The following SUGCT variants were observed in gnomAD, a reference collection of about 807,000 sequenced individuals.
SUGCT encodes the protein succinyl-CoA:glutarate-CoA transferase.
Under a neutral mutation model 55.0 loss-of-function variants are expected in SUGCT, and 41 were observed. The observed-to-expected ratio is 0.74, with a 90% CI of 0.58 to 0.97. The LOEUF (loss-of-function observed/expected upper bound fraction) is 0.97, where lower values mean the gene tolerates loss of function less well. Among genes scored for constraint, SUGCT ranks in the 50% least tolerant of loss-of-function variants. The pLI is 0.00. For missense variants in SUGCT, 568 were observed against 547.8 expected (o/e 1.04, Z -0.37); for synonymous variants, 187 against 200.4 (o/e 0.93, Z 0.56).
chr7:40,789,529 T>C (rs1790202004), intron 13 of SUGCT, among the ~76,000 whole-genome samples: 1 of 152,304 alleles, frequency 6.6e-6, no homozygotes, highest in Middle Eastern at 3.4e-3. Context: ...CATTCATCTA[T>C]TGATGGACAT....
At position 40,630,650 on chromosome 7, in the gene SUGCT, G is replaced by C. The variant is rs991100009; in HGVS notation, c.1090-118784G>C. Among the ~76,000 whole-genome samples the C allele has an allele frequency of 2.0e-5, 3 of 152,170 alleles. 1 individual carries two copies. Among genetic ancestry groups the C allele is most frequent in the African/African-American group, 7.2e-5 (3 of 41,442 alleles). ...ACAAAAACATGAAGTAACTTTTTCT[G>C]ACTAACTGTATGCCAATAACTTTCT... On this transcript the variant is annotated intron_variant, in intron 12 of 13. Coordinates refer to ENST00000335693, the MANE Select transcript of SUGCT (RefSeq NM_001193313.2).
At chr7:40,202,170 A>C (rs1487275958) in intron 6 of SUGCT, among the ~76,000 whole-genome samples, 1 of 152,032 alleles carries the variant, frequency 6.6e-6, no homozygotes, top group Non-Finnish European at 1.5e-5. Flanking sequence ...ATGGGGTTTC[A>C]CCATGTTGCC....
the SUGCT span, among the ~76,000 whole-genome samples, chr7:40,971,196 G>A: frequency 6.6e-6 from 1 of 152,136 alleles, no homozygotes; most frequent in African/African-American, 2.4e-5. Context: ...AAGAGCGGGA[G>A]CAAGAGAGAG....
At chr7:41,004,407 T>G in the SUGCT span, among the ~76,000 whole-genome samples, 1 of 152,236 alleles carries the variant, frequency 6.6e-6, no homozygotes, top group Non-Finnish European at 1.5e-5. Flanking sequence ...TATTTGCTAT[T>G]TTTTGAGCAA....
downstream of SUGCT, among the ~76,000 whole-genome samples, chr7:40,861,540 A>G (rs1041695299): frequency 1.3e-5 from 2 of 152,208 alleles, no homozygotes; most frequent in African/African-American, 4.8e-5. Flanking sequence ...TGTTAGGCAC[A>G]TCTATTTTAA....
chr7:40,774,358 C>T (rs1040424136), intron 13 of SUGCT, among the ~76,000 whole-genome samples: 2 of 152,126 alleles, frequency 1.3e-5, no homozygotes, highest in African/African-American at 4.8e-5. Context: ...TACATAAATG[C>T]TCTCTTTTAT....
At chr7:40,606,926 A>G (rs939430239) in intron 12 of SUGCT, among the ~76,000 whole-genome samples, 1 of 152,196 alleles carries the variant, frequency 6.6e-6, no homozygotes, top group African/African-American at 2.4e-5. Context: ...TTGCTTTCGA[A>G]GAAGAATCAT....
intron 13 of SUGCT, among the ~76,000 whole-genome samples, chr7:40,779,014 C>T (rs993194453): frequency 6.6e-6 from 1 of 151,710 alleles, no homozygotes; most frequent in African/African-American, 2.4e-5. Context: ...GTGTTCTGAG[C>T]AGAGACCCTG....
chr7:40,649,318 A>G (rs1334194728), intron 12 of SUGCT, among the ~76,000 whole-genome samples: 2 of 152,094 alleles, frequency 1.3e-5, no homozygotes, highest in East Asian at 1.9e-4. Flanking sequence ...ACCTCTTACA[A>G]TGTAATAATA....
rs73688072 is a variant in SUGCT, at chr7:40,427,728, G to T, written c.817-21559G>T. Among the ~76,000 whole-genome samples, 155 of 152,268 alleles carry T rather than the reference G, an allele frequency of 1.0e-3. 2 individuals carry two copies. Among genetic ancestry groups the T allele is most frequent in the African/African-American group, 3.6e-3 (148 of 41,548 alleles). ...ACTGGGAGGAATTCCTATGGAGCAAGAATAGGCAGAGAGGCCTTCCGATTG... is the reference window on the plus strand; with the variant it reads ...ACTGGGAGGAATTCCTATGGAGCAATAATAGGCAGAGAGGCCTTCCGATTG... On this transcript the variant is annotated intron_variant, in intron 9 of 13. Transcript: ENST00000335693.
intron 12 of SUGCT, among the ~76,000 whole-genome samples, chr7:40,576,551 G>T (rs951635197): frequency 1.3e-5 from 2 of 152,236 alleles, no homozygotes; most frequent in Non-Finnish European, 2.9e-5. Context: ...GCATGTGAAA[G>T]TTAGTACAAG....
chr7:40,343,130 C>G (rs1797140389), intron 9 of SUGCT, among the ~76,000 whole-genome samples: 1 of 152,122 alleles, frequency 6.6e-6, no homozygotes. Context: ...CATAGTCATA[C>G]TCTTATACAC....
At chr7:40,802,265 T>C (rs1453348418) in intron 13 of SUGCT, among the ~76,000 whole-genome samples, 1 of 152,004 alleles carries the variant, frequency 6.6e-6, no homozygotes, top group Non-Finnish European at 1.5e-5. Context: ...GAATTTTTTT[T>C]CTCTATCCCC....
chr7:40,298,833 A>T (rs1268343900), intron 8 of SUGCT, among the ~76,000 whole-genome samples: 1 of 152,042 alleles, frequency 6.6e-6, no homozygotes, highest in African/African-American at 2.4e-5. Flanking sequence ...AGAAGCAATG[A>T]TGGCTTTTTC....
chr7:40,705,909 G>C (rs1014024354), intron 12 of SUGCT, among the ~76,000 whole-genome samples: 4 of 152,020 alleles, frequency 2.6e-5, no homozygotes, highest in Non-Finnish European at 4.4e-5. Context: ...ATAAAACCGG[G>C]TTCCCTCACT....
chr7:40,741,940 C>A (rs1389750318), intron 12 of SUGCT, among the ~76,000 whole-genome samples: 1 of 152,106 alleles, frequency 6.6e-6, no homozygotes, highest in Middle Eastern at 3.2e-3. Flanking sequence ...AAAAGATTAA[C>A]AAAATTCAGG....
chr7:40,179,168 C>T (rs754967699), intron 1 of SUGCT, among the ~76,000 whole-genome samples: 3 of 152,188 alleles, frequency 2.0e-5, no homozygotes, highest in Non-Finnish European at 4.4e-5. Flanking sequence ...ACTGCTATAA[C>T]AGGTTATCTC....
chr7:41,014,000 A>C, the SUGCT span, among the ~76,000 whole-genome samples: 1 of 152,156 alleles, frequency 6.6e-6, no homozygotes, highest in Admixed American at 6.5e-5. Flanking sequence ...TTTTGACTTA[A>C]TTTGGTGACA....
the SUGCT span, among the ~76,000 whole-genome samples, chr7:41,024,181 A>G: frequency 2.0e-5 from 3 of 152,224 alleles, no homozygotes; most frequent in East Asian, 3.8e-4. Context: ...ACCTTACACT[A>G]TACAGAAAAT....
Sources: gnomAD v4.1 joint callset for allele counts (sites outside exome capture counted in the v4.1 genomes callset) on GRCh38, gnomAD v4.1.1 for gene constraint, MANE v1.5 for transcripts, NCBI Gene and HGNC (gene_info 2026-07-23, HGNC 2026-07-21) for gene names.